The following RSU1 variants were observed in gnomAD, a reference collection of about 807,000 sequenced individuals.
The protein encoded by RSU1 is rsu-1.
A neutral mutation model predicts 31.1 loss-of-function variants in RSU1; 26 were observed. The ratio of observed to expected loss-of-function variants is 0.84; its 90% confidence interval spans 0.61 to 1.16. The LOEUF (loss-of-function observed/expected upper bound fraction) is 1.16. RSU1 is among the 50% of genes most tolerant of loss of function. RSU1 has a pLI of 0.00. For synonymous variants in RSU1, 164 were observed against 136.3 expected (o/e 1.20, Z -1.41); for missense variants, 320 against 339.1 (o/e 0.94, Z 0.44).
In RSU1 at chr10:16,644,114, G is replaced by T. The variant is rs538065883; in HGVS notation, c.732-50618C>A. On this transcript the variant is annotated intron_variant, in intron 8 of 8. Transcript: ENST00000345264. Reference sequence around the variant, plus strand: ...GGTGGGCAGAGGGTGGTGGGGGGGGGTCCTAGAACCAATCCCCTATGGTTA... The same window carrying T: ...GGTGGGCAGAGGGTGGTGGGGGGGGTTCCTAGAACCAATCCCCTATGGTTA... 2.6e-5 allele frequency among the ~76,000 whole-genome samples: 4 copies of T among 151,514 alleles called. No individual in the cohort carries two copies. In the South Asian group the frequency reaches 8.4e-4, roughly 32 times the overall value.
At chr10:16,645,180 C>G (rs1834514245) in intron 8 of RSU1, among the ~76,000 whole-genome samples, 1 of 152,154 alleles carries the variant, frequency 6.6e-6, no homozygotes, top group Admixed American at 6.6e-5. Context: ...ATTTCGTAAA[C>G]ATAAATAAGG....
chr10:16,810,544 G>A (rs1407452540), intron 2 of RSU1, among the ~76,000 whole-genome samples: 1 of 152,104 alleles, frequency 6.6e-6, no homozygotes, highest in East Asian at 1.9e-4. Context: ...CTAGCACACT[G>A]GGCCCAGCCG....
chr10:16,786,195 C>G (rs1439730400), intron 2 of RSU1, among the ~76,000 whole-genome samples: 2 of 152,200 alleles, frequency 1.3e-5, no homozygotes, highest in African/African-American at 4.8e-5. Flanking sequence ...TCCAAAAGGT[C>G]AAGAGCATTG....
intron 8 of RSU1, among the ~76,000 whole-genome samples, chr10:16,691,865 A>C (rs1469890120): frequency 6.6e-6 from 1 of 151,426 alleles, no homozygotes; most frequent in Non-Finnish European, 1.5e-5. Flanking sequence ...CAGCCTCCCA[A>C]GTAGCTGGGA....
chr10:16,670,762 G>A (rs1000334239), intron 8 of RSU1, among the ~76,000 whole-genome samples: 5 of 151,882 alleles, frequency 3.3e-5, no homozygotes, highest in African/African-American at 9.7e-5. Flanking sequence ...CATGGATAGC[G>A]CCACAGAACC....
At chr10:16,654,745 A>C (rs955005193) in intron 8 of RSU1, among the ~76,000 whole-genome samples, 4 of 152,026 alleles carry the variant, frequency 2.6e-5, no homozygotes, top group African/African-American at 9.7e-5. Context: ...ACACAGCCCA[A>C]GTGCACCTTT....
intron 3 of RSU1, among the ~76,000 whole-genome samples, chr10:16,765,436 A>C (rs1265380559): frequency 6.6e-6 from 1 of 152,206 alleles, no homozygotes; most frequent in Non-Finnish European, 1.5e-5. Context: ...TCAACTCAGT[A>C]GCATGCTATG....
At chr10:16,669,619 C>T (rs1835070763) in intron 8 of RSU1, among the ~76,000 whole-genome samples, 1 of 152,082 alleles carries the variant, frequency 6.6e-6, no homozygotes, top group African/African-American at 2.4e-5. Flanking sequence ...TGTTGTTCCC[C>T]TCCCTGTGTC....
chr10:16,816,977 G>A lies in RSU1; in HGVS notation c.105C>T (p.Gly35=), dbSNP rs777539740. ...RGISNMLDVN[G]LFTLSHITQL... ...GAGTCCTGCCCGAGAACTCACAGAG[G>A]CCGTTGACATCCAGCATGTTGGAGA... Residue 35 remains glycine, a synonymous_variant, in exon 2 of 9, where the codon GGC becomes GGT. Coordinates refer to ENST00000345264, the MANE Select transcript of RSU1 (RefSeq NM_012425.4). The A allele has an allele frequency of 7.4e-6, 12 of 1,611,368 alleles. No individual in the cohort carries two copies. In the East Asian group the frequency reaches 8.9e-5, roughly 12 times the overall value.
chr10:16,724,470 T>C (rs752591554), intron 7 of RSU1, among the ~76,000 whole-genome samples: 6 of 152,188 alleles, frequency 3.9e-5, no homozygotes, highest in Non-Finnish European at 8.8e-5. Flanking sequence ...AACGCAAGCA[T>C]GACACAGATT....
At chr10:16,814,465 A>AAG (rs1554777363) in intron 2 of RSU1, among the ~76,000 whole-genome samples, 19 of 145,840 alleles carry the variant, frequency 1.3e-4, no homozygotes, top group African/African-American at 3.7e-4. Context: ...AAAAAAAAAA[A>AAG]AAAGAAAAAA....
chr10:16,790,236 C>T (rs755429726), intron 2 of RSU1, among the ~76,000 whole-genome samples: 5 of 152,158 alleles, frequency 3.3e-5, no homozygotes, highest in African/African-American at 1.2e-4. Flanking sequence ...ACACTCAGAG[C>T]GCCGGCCGTC....
chr10:16,708,169 T>C (rs1835942903), intron 7 of RSU1, among the ~76,000 whole-genome samples: 1 of 152,190 alleles, frequency 6.6e-6, no homozygotes, highest in Non-Finnish European at 1.5e-5. Flanking sequence ...CAAAAAACTA[T>C]TAATAGCCTA....
intron 4 of RSU1, among the ~76,000 whole-genome samples, chr10:16,757,960 AC>A (rs1173875279): frequency 3.3e-5 from 5 of 152,318 alleles, no homozygotes; most frequent in African/African-American, 9.6e-5. Context: ...GAGGCATCTC[AC>A]CTGAGAGAGA....
At chr10:16,609,949 T>C (rs987622637) in intron 8 of RSU1, among the ~76,000 whole-genome samples, 1 of 152,198 alleles carries the variant, frequency 6.6e-6, no homozygotes, top group Non-Finnish European at 1.5e-5. Flanking sequence ...ATTTGAGCCA[T>C]GAATGTAGCT....
intron 8 of RSU1, among the ~76,000 whole-genome samples, chr10:16,659,126 GTGTGTTGCAGACCACT>G (rs1564304488): frequency 6.6e-6 from 1 of 152,158 alleles, no homozygotes; most frequent in East Asian, 1.9e-4. Context: ...TCAGCAATGT[GTGTGTTGCAGACCACT>G]TTTCTCAGTT....
intron 7 of RSU1, among the ~76,000 whole-genome samples, chr10:16,750,532 C>T (rs185660002): frequency 3.9e-5 from 6 of 152,204 alleles, no homozygotes; most frequent in East Asian, 1.9e-4. Flanking sequence ...CATAGGCATG[C>T]GTAGGTTCAA....
At chr10:16,698,361 T>C (rs1051578063) in intron 7 of RSU1, among the ~76,000 whole-genome samples, 3 of 152,132 alleles carry the variant, frequency 2.0e-5, no homozygotes, top group African/African-American at 7.2e-5. Context: ...TAGGGACGTA[T>C]TTCTGCGGGA....
intron 3 of RSU1, among the ~76,000 whole-genome samples, chr10:16,775,586 G>A (rs546104120): frequency 1.1e-4 from 17 of 152,258 alleles, no homozygotes; most frequent in Admixed American, 2.0e-4. Context: ...ACACGTCTTC[G>A]ACTTCATTCG....
Sources: gnomAD v4.1 joint callset for allele counts (sites outside exome capture counted in the v4.1 genomes callset) on GRCh38, gnomAD v4.1.1 for gene constraint, MANE v1.5 for transcripts, NCBI Gene and HGNC (gene_info 2026-07-23, HGNC 2026-07-21) for gene names.